PLAGL2: variants seen among roughly 807,000 people sequenced by gnomAD.
The protein encoded by PLAGL2 is PLAG1 like zinc finger 2, also known as zinc finger protein PLAGL2.
PLAGL2 carries 7 observed loss-of-function variants against 29.0 expected under a neutral mutation model. The ratio of observed to expected loss-of-function variants is 0.24; its 90% confidence interval spans 0.14 to 0.45. The LOEUF (loss-of-function observed/expected upper bound fraction) is 0.45. Ranked by LOEUF, PLAGL2 falls within the 20% of genes least tolerant of loss-of-function variation. PLAGL2 has a pLI of 0.99. For synonymous variants in PLAGL2, 234 were observed against 266.0 expected, an observed-to-expected ratio of 0.88 and a Z score of 1.17; for missense variants, 454 against 648.2, an observed-to-expected ratio of 0.70 and a Z score of 3.25.
In PLAGL2 at chr20:32,200,391, C is replaced by T. The variant is rs567693593; in HGVS notation, c.260+1528G>A. ...AGCTGGGACTACAGGCGCCTGCCACCGCGCCCAGCTAATTTTTTTTGTATT... is the reference window on the plus strand; with the variant it reads ...AGCTGGGACTACAGGCGCCTGCCACTGCGCCCAGCTAATTTTTTTTGTATT... On this transcript the variant is annotated intron_variant, in intron 2 of 2. Transcript: ENST00000246229. Among the ~76,000 whole-genome samples the T allele has an allele frequency of 7.1e-4, 108 of 152,248 alleles. No homozygotes were observed. In the Middle Eastern group the frequency reaches 0.017, roughly 24 times the overall value.
In PLAGL2 at chr20:32,195,302, G is replaced by T. The variant is rs2047221880; in HGVS notation, c.*1150C>A. On this transcript the variant is annotated 3_prime_UTR_variant, in exon 3 of 3. Coordinates refer to ENST00000246229, the MANE Select transcript of PLAGL2 (RefSeq NM_002657.3). Reference sequence around the variant, plus strand: ...CCACAACTTCCCGGAAAAGGGACAGGTGGGAGGAAGACCAATGAGGGGCTC... The same window carrying T: ...CCACAACTTCCCGGAAAAGGGACAGTTGGGAGGAAGACCAATGAGGGGCTC... 1 of 152,692 alleles carries T rather than the reference G, an allele frequency of 6.5e-6. No homozygotes were observed. The highest frequency in any genetic ancestry group is 6.5e-5 in the Admixed American group (1 of 15,290). The allele number at this position is 152,692 out of a possible 1,614,324, so 9.5% of individuals were successfully genotyped here.
rs1191100856 is a variant in PLAGL2 at position 32,193,164 on chromosome 20, T to TA, written c.*3287dup. 7.9e-5 allele frequency: 12 copies of TA among 152,346 alleles called. No homozygotes were observed. The highest frequency in any genetic ancestry group is 3.9e-4 in the East Asian group (2 of 5,188). 9.4% of individuals were successfully genotyped at this position (152,346 alleles called of 1,614,324 possible). ...ATTGATCCTGTACAATATAACCTGT[T>TA]AAAAAAATCGTGCTTACAAACAGCT... On this transcript the variant is annotated 3_prime_UTR_variant, in exon 3 of 3. Coordinates refer to ENST00000246229, the MANE Select transcript of PLAGL2 (RefSeq NM_002657.3).
In PLAGL2 at chr20:32,197,183, C is replaced by T. The variant is rs374645283; in HGVS notation, c.760G>A (p.Val254Met). 1.4e-5 allele frequency: 22 copies of T among 1,614,102 alleles called. No individual in the cohort carries two copies. In the African/African-American group the frequency reaches 1.5e-4, roughly 11 times the overall value. ...CAGCTGAGTAGGCCTAACATGTCCA[C>T]GGGCTCTGTCTTGATCTTGAGCAGC... Reference protein sequence around the residue: ...QELLKIKTEPVDMLGLLSCSS... With the variant: ...QELLKIKTEPMDMLGLLSCSS... The change falls in exon 3 of 3, where the codon GTG (valine) becomes ATG (methionine). Residue 254 changes from valine to methionine, a missense_variant. Physicochemically the swap from Val to Met is conservative, Grantham distance 21. This residue lies in a region of PLAGL2 where 247 missense variants were observed against 350.3 expected (regional missense o/e 0.71). Coordinates refer to ENST00000246229, the MANE Select transcript of PLAGL2 (RefSeq NM_002657.3). The surrounding 1 kb of genome is among the most constrained non-coding windows in gnomAD (Gnocchi z 6.6).
chr20:32,203,848 C>T (rs2122546821), intron 1 of PLAGL2, among the ~76,000 whole-genome samples: 1 of 152,250 alleles, frequency 6.6e-6, no homozygotes, highest in South Asian at 2.1e-4. Flanking sequence ...TAAACACGTC[C>T]CCATCACGAG....
chr20:32,198,652 A>G (rs1003070262), intron 2 of PLAGL2, among the ~76,000 whole-genome samples: 4 of 152,334 alleles, frequency 2.6e-5, no homozygotes, highest in African/African-American at 9.6e-5. Context: ...AAATAAATAA[A>G]CTTCCTTATC....
chr20:32,205,255 T>C (rs1326942054), intron 1 of PLAGL2, among the ~76,000 whole-genome samples: 1 of 152,204 alleles, frequency 6.6e-6, no homozygotes, highest in African/African-American at 2.4e-5. Flanking sequence ...TCCTCTTTAA[T>C]GTTACTTCTC....
In PLAGL2 at chr20:32,194,021, T is replaced by C. The variant is rs2047215348; in HGVS notation, c.*2431A>G. ...ACAGGAGGTGGGGGCAAGGCCCCGGTTACAAAGGGTTTAAACAGTTGCTTT... is the reference window on the plus strand; with the variant it reads ...ACAGGAGGTGGGGGCAAGGCCCCGGCTACAAAGGGTTTAAACAGTTGCTTT... On this transcript the variant is annotated 3_prime_UTR_variant, in exon 3 of 3. Coordinates refer to ENST00000246229, the MANE Select transcript of PLAGL2 (RefSeq NM_002657.3). The C allele has an allele frequency of 1.3e-5, 2 of 152,756 alleles. No homozygotes were observed. Among genetic ancestry groups the C allele is most frequent in the South Asian group, 4.1e-4 (2 of 4,834 alleles). The allele number at this position is 152,756 out of a possible 1,614,324, so 9.5% of individuals were successfully genotyped here.
rs1431167784 is a variant in PLAGL2 at position 32,198,240 on chromosome 20, A to G, written c.261-558T>C. Among the ~76,000 whole-genome samples the G allele has an allele frequency of 2.6e-5, 4 of 152,244 alleles. No homozygotes were observed. The East Asian group carries it at 7.7e-4, about 29-fold the overall frequency. ...GGGTGTCATGGAGAATTTTCATCGT[A>G]TAAGTTTTGGTACTTTTTGAATTTT... On this transcript the variant is annotated intron_variant, in intron 2 of 2. Transcript: ENST00000246229.
intron 2 of PLAGL2, among the ~76,000 whole-genome samples, chr20:32,198,543 G>A (rs1421674979): frequency 6.6e-6 from 1 of 152,176 alleles, no homozygotes; most frequent in African/African-American, 2.4e-5. Flanking sequence ...AAGAGGCTAA[G>A]GCAGGATTAC....
At chr20:32,200,381 C>T (rs922767500) in intron 2 of PLAGL2, among the ~76,000 whole-genome samples, 7 of 152,104 alleles carry the variant, frequency 4.6e-5, no homozygotes, top group African/African-American at 1.2e-4. Flanking sequence ...GGACTACAGG[C>T]GCCTGCCACC....
chr20:32,201,630 T>C (rs753682320), intron 2 of PLAGL2, among the ~76,000 whole-genome samples: 3 of 152,082 alleles, frequency 2.0e-5, no homozygotes, highest in Non-Finnish European at 2.9e-5. Flanking sequence ...CTGCCTGACA[T>C]TGGCACCCAG....
At chr20:32,207,292 C>T (rs1569145361) in intron 1 of PLAGL2, among the ~76,000 whole-genome samples, 3 of 151,996 alleles carry the variant, frequency 2.0e-5, no homozygotes, top group East Asian at 3.9e-4. Flanking sequence ...TCCCCCAGAC[C>T]CGGGTCCCTG....
Position 32,197,451 on chromosome 20 carries a change from G to C in PLAGL2, c.492C>G (p.Thr164=). ...CTAGCAGGGCCTGGGTACTCTCAAA[G>C]GTCTGCAGGCACACCTTGCAGCTGA... The part of the protein sequence containing the change: ...GDLSCKVCLQ[T]FESTQALLEH... The change falls in exon 3 of 3, where the codon ACC becomes ACG. Residue 164 remains threonine, a synonymous_variant. Coordinates refer to ENST00000246229, the MANE Select transcript of PLAGL2 (RefSeq NM_002657.3). The surrounding 1 kb of genome is among the most constrained non-coding windows in gnomAD (Gnocchi z 6.6). 6.2e-7 allele frequency: 1 copy of C among 1,612,924 alleles called. No individual in the cohort carries two copies. The highest frequency in any genetic ancestry group is 8.5e-7 in the Non-Finnish European group (1 of 1,180,002).
intron 1 of PLAGL2, among the ~76,000 whole-genome samples, chr20:32,202,749 A>G (rs2047266115): frequency 6.6e-6 from 1 of 152,126 alleles, no homozygotes; most frequent in African/African-American, 2.4e-5. Flanking sequence ...TGTCCTCCTC[A>G]TGGAGGTGCT....
chr20:32,202,349 T>C, intron 1 of PLAGL2, 57 bp from the exon 2 acceptor site: 1 of 636,942 alleles, frequency 1.6e-6, no homozygotes, highest in Non-Finnish European at 2.7e-6. Flanking sequence ...ACATGGGCTC[T>C]GGAAGCAGAC....
Position 32,202,063 on chromosome 20 carries a change from T to G in PLAGL2, c.116A>C (p.Lys39Thr). ...TGTTCCCGAAATTTCACATTGGCAC[T>G]TCACTTGACTCTCCGCCTCCCGGCC... ...PRGREAESQV[K>T]CQCEISGTPF... Residue 39 changes from lysine to threonine, a missense_variant, in exon 2 of 3, where the codon AAG (lysine) becomes ACG (threonine). Coordinates refer to ENST00000246229, the MANE Select transcript of PLAGL2 (RefSeq NM_002657.3). The G allele has an allele frequency of 6.2e-7, 1 of 1,614,240 alleles. No homozygotes were observed. The highest frequency in any genetic ancestry group is 8.5e-7 in the Non-Finnish European group (1 of 1,180,036).
chr20:32,201,899 G>A lies in PLAGL2; in HGVS notation c.260+20C>T. 2 of 1,603,796 alleles carry A rather than the reference G, an allele frequency of 1.2e-6. No individual in the cohort carries two copies. The highest frequency in any genetic ancestry group is 1.7e-6 in the Non-Finnish European group (2 of 1,172,236). On this transcript the variant is annotated intron_variant, in intron 2 of 2. Transcript: ENST00000246229. ...CTCTGGGAACCTCAGGGCAGGAAGA[G>A]ATATGAGAGTGTCACCTACCTATAC... is the stretch of plus-strand genomic sequence containing the variant.
intron 1 of PLAGL2, among the ~76,000 whole-genome samples, chr20:32,206,001 T>C (rs1320330607): frequency 6.6e-6 from 1 of 152,214 alleles, no homozygotes; most frequent in Non-Finnish European, 1.5e-5. Flanking sequence ...CAAGAGTTAC[T>C]TGGGGATCTG....
At chr20:32,203,777 T>C (rs770323933) in intron 1 of PLAGL2, among the ~76,000 whole-genome samples, 1 of 152,236 alleles carries the variant, frequency 6.6e-6, no homozygotes, top group Non-Finnish European at 1.5e-5. Context: ...ATCATTAACA[T>C]GAGCTACGTC....
Sources: allele counts gnomAD v4.1 joint callset (sites outside exome capture counted in the v4.1 genomes callset), GRCh38; gene constraint gnomAD v4.1.1; regional missense constraint gnomAD v4.1.1; non-coding constraint Gnocchi (gnomAD v3.1); transcripts MANE v1.5; gene names NCBI Gene and HGNC (gene_info 2026-07-23, HGNC 2026-07-21).